Variants in SRCIN1 observed in about 807,000 individuals in gnomAD.
The protein encoded by SRCIN1 is P130Cas-associated protein.
A neutral mutation model predicts 116.2 loss-of-function variants in SRCIN1; 50 were observed. The observed-to-expected ratio is 0.43, with a 90% CI of 0.34 to 0.54. The LOEUF (loss-of-function observed/expected upper bound fraction) is 0.54. SRCIN1 is among the 20% of genes least tolerant of loss of function. The pLI, the probability that SRCIN1 is intolerant of heterozygous loss-of-function variation, is 0.02. For missense variants in SRCIN1, 1,446 were observed against 1,672.0 expected, an observed-to-expected ratio of 0.86 and a Z score of 2.36; for synonymous variants, 736 against 750.0, an observed-to-expected ratio of 0.98 and a Z score of 0.30.
At chr17:38,559,563 G>T (rs751242095) in intron 10 of SRCIN1, 22 bp downstream of exon 10, 4 of 1,591,450 alleles carry the variant, frequency 2.5e-6, no homozygotes, top group Non-Finnish European at 3.4e-6. Flanking sequence ...TTGGTGGGGC[G>T]GGGCCCAGGA....
intron 2 of SRCIN1, among the ~76,000 whole-genome samples, chr17:38,570,117 A>G (rs2143260143): frequency 6.6e-6 from 1 of 152,278 alleles, no homozygotes; most frequent in Admixed American, 6.5e-5. Context: ...ATCCTCTGAT[A>G]AGGACATCTC....
intron 1 of SRCIN1, among the ~76,000 whole-genome samples, chr17:38,582,886 G>A (rs1001650344): frequency 2.0e-5 from 3 of 152,062 alleles, no homozygotes; most frequent in African/African-American, 4.8e-5. Flanking sequence ...GGTTGAGGGT[G>A]GGGGAGCATC....
Position 38,558,365 on chromosome 17 carries a change from C to A in SRCIN1, c.2063G>T (p.Arg688Leu), listed in dbSNP as rs1555608203. The change falls in exon 11 of 19, where the codon CGC (arginine) becomes CTC (leucine). Residue 688 changes from arginine (R) to leucine (L), a missense_variant. Arg to Leu is a moderately radical substitution (Grantham distance 102, BLOSUM62 -2). Coordinates refer to ENST00000617146, the MANE Select transcript of SRCIN1 (RefSeq NM_025248.3). This position sits in a 1 kb window ranked among gnomAD's most constrained non-coding sequence, Gnocchi z 4.6. ...NQESVRALLK[R>L]TEAELSMRVS... Reference sequence around the variant, plus strand: ...GCGCATGCTCAGCTCTGCCTCCGTGCGCTTCAGCAGCGCGCGCACCGACTC... The same window carrying A: ...GCGCATGCTCAGCTCTGCCTCCGTGAGCTTCAGCAGCGCGCGCACCGACTC... The A allele has an allele frequency of 3.7e-6, 6 of 1,606,792 alleles. No individual in the cohort carries two copies. The highest frequency in any genetic ancestry group is 3.4e-6 in the Non-Finnish European group (4 of 1,179,384).
rs770593959 is a variant in SRCIN1 at position 38,558,361 on chromosome 17, C to A, written c.2067G>T (p.Thr689=). ...ACACGCGCATGCTCAGCTCTGCCTC[C>A]GTGCGCTTCAGCAGCGCGCGCACCG... is the stretch of plus-strand genomic sequence containing the variant. The part of the protein sequence containing the change: ...QESVRALLKR[T]EAELSMRVSE... Residue 689 remains threonine (T), a synonymous_variant, in exon 11 of 19, where the codon ACG becomes ACT. Coordinates refer to ENST00000617146, the MANE Select transcript of SRCIN1 (RefSeq NM_025248.3). The surrounding 1 kb of genome is among the most constrained non-coding windows in gnomAD (Gnocchi z 4.6). The A allele has an allele frequency of 1.9e-6, 3 of 1,607,582 alleles. No individual in the cohort carries two copies. The East Asian group carries it at 6.7e-5, about 36-fold the overall frequency.
In SRCIN1 at chr17:38,558,544, G is replaced by T; in HGVS notation, c.2026-142C>A. 3 of 959,926 alleles carry T rather than the reference G, an allele frequency of 3.1e-6. No individual in the cohort carries two copies. Among genetic ancestry groups the T allele is most frequent in the Non-Finnish European group, 4.5e-6 (3 of 669,144 alleles). 59.5% of individuals were successfully genotyped at this position (959,926 alleles called of 1,614,324 possible). On this transcript the variant is annotated intron_variant, in intron 10 of 18. Coordinates refer to ENST00000617146, the MANE Select transcript of SRCIN1 (RefSeq NM_025248.3). The surrounding 1 kb of genome is among the most constrained non-coding windows in gnomAD (Gnocchi z 4.6). The stretch of plus-strand genomic sequence containing the variant: ...AAGCGGCTGCTTGGCTCCGCCTCAG[G>T]CAGCAGCGAAGGGGTGGGATGGCGA...
chr17:38,593,144 C>T (rs990571308), intron 1 of SRCIN1, among the ~76,000 whole-genome samples: 4 of 152,056 alleles, frequency 2.6e-5, no homozygotes, highest in Non-Finnish European at 4.4e-5. Flanking sequence ...ATCGGAGGGG[C>T]GAGCCCAGAG....
At chr17:38,575,080 A>G (rs1447335190) in intron 2 of SRCIN1, 1 of 398,686 alleles carries the variant, frequency 2.5e-6, no homozygotes, top group Non-Finnish European at 4.4e-6. Context: ...CTTGGCACAG[A>G]GCTCATACTG....
At position 38,602,292 on chromosome 17, in the gene SRCIN1, A is replaced by G. The variant is rs75243675; in HGVS notation, c.22+3392T>C. ...GCTACTCAGAGCTTGGAATGAAAGAAGGGGAAGCGAGTACAGCCCTCAAAC... is the reference window on the plus strand; with the variant it reads ...GCTACTCAGAGCTTGGAATGAAAGAGGGGGAAGCGAGTACAGCCCTCAAAC... On this transcript the variant is annotated intron_variant, in intron 1 of 18. Coordinates refer to ENST00000617146, the MANE Select transcript of SRCIN1 (RefSeq NM_025248.3). The surrounding 1 kb of genome is among the most constrained non-coding windows in gnomAD (Gnocchi z 4.2). The G allele has an allele frequency of 6.6e-6, 1 of 152,234 alleles. No individual in the cohort carries two copies. Among genetic ancestry groups the G allele is most frequent in the African/African-American group, 2.4e-5 (1 of 41,440 alleles). 9.4% of individuals were successfully genotyped at this position (152,234 alleles called of 1,614,324 possible).
intron 17 of SRCIN1, chr17:38,547,898 G>C (rs957801043): frequency 5.8e-6 from 1 of 173,030 alleles, no homozygotes; most frequent in East Asian, 1.9e-4. Flanking sequence ...AGCAGAAGGT[G>C]GGGGCAGGTT....
At position 38,572,319 on chromosome 17, in the gene SRCIN1, G is replaced by A. The variant is rs1907130268; in HGVS notation, c.325-4088C>T. On this transcript the variant is annotated intron_variant, in intron 2 of 18. Coordinates refer to ENST00000617146, the MANE Select transcript of SRCIN1 (RefSeq NM_025248.3). The surrounding 1 kb of genome is among the most constrained non-coding windows in gnomAD (Gnocchi z 4.3). ...CATGACCCTCTCTTCCAGATGTGTG[G>A]ATGACACCCTCATCTCCTTCCCAAT... is the stretch of plus-strand genomic sequence containing the variant. 8.0e-6 allele frequency among the ~76,000 whole-genome samples: 1 copy of A among 125,184 alleles called. No homozygotes were observed. Among genetic ancestry groups the A allele is most frequent in the African/African-American group, 3.0e-5 (1 of 33,372 alleles). 82.1% of individuals were successfully genotyped at this position (125,184 alleles called of 152,430 possible). A position where few individuals can be genotyped will look rare whatever the true frequency, so the allele number is the denominator to read the frequency against.
At chr17:38,547,615 G>A (rs1905145156) in intron 17 of SRCIN1, 1 of 207,544 alleles carries the variant, frequency 4.8e-6, no homozygotes, top group African/African-American at 2.4e-5. Context: ...GAGTCCACAT[G>A]TAATGCTGTG....
At chr17:38,548,971 T>C in intron 16 of SRCIN1, 85 bp downstream of exon 16, 1 of 1,450,350 alleles carries the variant, frequency 6.9e-7, no homozygotes, top group Middle Eastern at 2.0e-4. Context: ...GGGGTCTCTT[T>C]CCCACCCCAG....
rs1909275521 is a variant in SRCIN1 at position 38,604,906 on chromosome 17, C to T, written c.22+778G>A. 6.6e-6 allele frequency among the ~76,000 whole-genome samples: 1 copy of T among 151,912 alleles called. No homozygotes were observed. The highest frequency in any genetic ancestry group is 2.4e-5 in the African/African-American group (1 of 41,362). On this transcript the variant is annotated intron_variant, in intron 1 of 18. Coordinates refer to ENST00000617146, the MANE Select transcript of SRCIN1 (RefSeq NM_025248.3). This position sits in a 1 kb window ranked among gnomAD's most constrained non-coding sequence, Gnocchi z 4.3. ...CAGCTGGGGGCGCCCTCCCCTGCCCCCTGGCCTCTGCAGGGGGAGGGGTTA... is the reference window on the plus strand; with the variant it reads ...CAGCTGGGGGCGCCCTCCCCTGCCCTCTGGCCTCTGCAGGGGGAGGGGTTA...
Position 38,604,487 on chromosome 17 carries a change from C to A in SRCIN1, c.22+1197G>T, listed in dbSNP as rs1909239670. 8.8e-6 allele frequency: 4 copies of A among 454,512 alleles called. No homozygotes were observed. In the Middle Eastern group the frequency reaches 1.3e-3, roughly 150 times the overall value. 28.2% of individuals were successfully genotyped at this position (454,512 alleles called of 1,614,324 possible). On this transcript the variant is annotated intron_variant, in intron 1 of 18. Transcript: ENST00000617146. This position sits in a 1 kb window ranked among gnomAD's most constrained non-coding sequence, Gnocchi z 4.3. ...TCCCCGCGCCTGCTCACCTGGCTCC[C>A]CTCGGCCCCCAGGGTCCCTCGGTCC...
chr17:38,586,049 G>A (rs574096744), intron 1 of SRCIN1, among the ~76,000 whole-genome samples: 2 of 152,362 alleles, frequency 1.3e-5, no homozygotes, highest in South Asian at 4.1e-4. Flanking sequence ...GAGGAAGTGG[G>A]AAGGGAGCCC....
At chr17:38,541,239 A>T (rs1203404768) in intron 18 of SRCIN1, 1 of 146,796 alleles carries the variant, frequency 6.8e-6, no homozygotes, top group Non-Finnish European at 1.5e-5. Context: ...ACCCTGCCTC[A>T]AAAAAATAAA....
At position 38,563,449 on chromosome 17, in the gene SRCIN1, G is replaced by A. The variant is rs1306063619; in HGVS notation, c.614C>T (p.Thr205Met). Residue 205 changes from threonine (T) to methionine (M), a missense_variant, in exon 5 of 19, where the codon ACG (threonine) becomes ATG (methionine). Coordinates refer to ENST00000617146, the MANE Select transcript of SRCIN1 (RefSeq NM_025248.3). This position sits in a 1 kb window ranked among gnomAD's most constrained non-coding sequence, Gnocchi z 5.8. ...CATGTGCGCGATGAGTGCGTGCAGCGTGTCCAGGCTGCTGACCTCGTGCGT... is the reference window on the plus strand; with the variant it reads ...CATGTGCGCGATGAGTGCGTGCAGCATGTCCAGGCTGCTGACCTCGTGCGT... Reference protein sequence around the residue: ...HITHEVSSLDTLHALIAHMFP... With the variant: ...HITHEVSSLDMLHALIAHMFP... 6.4e-7 allele frequency: 1 copy of A among 1,560,606 alleles called. No individual in the cohort carries two copies. Among genetic ancestry groups the A allele is most frequent in the African/African-American group, 1.4e-5 (1 of 73,676 alleles).
At chr17:38,580,086 C>T (rs1298433634) in intron 1 of SRCIN1, among the ~76,000 whole-genome samples, 2 of 152,154 alleles carry the variant, frequency 1.3e-5, no homozygotes, top group Non-Finnish European at 2.9e-5. Flanking sequence ...TAGGGCTCCT[C>T]CAAGGGCAGC....
At chr17:38,559,365 T>A in intron 10 of SRCIN1, 1 of 575,808 alleles carries the variant, frequency 1.7e-6, no homozygotes, top group Non-Finnish European at 3.0e-6. Context: ...GGGCGAGGGA[T>A]AAGGCCTTGG....
Sources: gnomAD v4.1 joint callset for allele counts (sites outside exome capture counted in the v4.1 genomes callset) on GRCh38, gnomAD v4.1.1 for gene constraint, Gnocchi (gnomAD v3.1) non-coding constraint, MANE v1.5 for transcripts, NCBI Gene and HGNC (gene_info 2026-07-23, HGNC 2026-07-21) for gene names.